Variants in PCM1 observed in about 807,000 individuals in gnomAD.
PCM1 encodes the protein pericentriolar material 1 protein.
In PCM1, 157 loss-of-function variants were observed where a neutral mutation model predicts 241.9. The ratio of observed to expected loss-of-function variants is 0.65; its 90% confidence interval spans 0.57 to 0.74. The LOEUF (loss-of-function observed/expected upper bound fraction) is 0.74. PCM1 is among the 30% of genes least tolerant of loss of function. The pLI is 0.00. For synonymous variants in PCM1, 1,085 were observed against 784.9 expected (o/e 1.38, Z -6.39); for missense variants, 3,478 against 2,360.1 (o/e 1.47, Z -9.81).
chr8:17,938,316 T>A (rs1052268400), intron 4 of PCM1, among the ~76,000 whole-genome samples: 29 of 152,206 alleles, frequency 1.9e-4, no homozygotes, highest in African/African-American at 6.8e-4. Context: ...ACCTTCAGAT[T>A]ATGTGTATAA....
At position 18,009,434 on chromosome 8, in the gene PCM1, C is replaced by G. The variant is rs1337756977; in HGVS notation, c.4963-113C>G. On this transcript the variant is annotated intron_variant, in intron 30 of 38. Transcript: ENST00000325083. ...TTCTTTAGTAATACTAACAACCTAT[C>G]TTTCCTTAGTAATCATAAACATTAG... The G allele has an allele frequency of 1.0e-5, 7 of 682,148 alleles. No individual in the cohort carries two copies. In the East Asian group the frequency reaches 1.9e-4, roughly 18 times the overall value. The allele number at this position is 682,148 out of a possible 1,614,324, so 42.3% of individuals were successfully genotyped here. A position where few individuals can be genotyped will look rare whatever the true frequency, so the allele number is the denominator to read the frequency against.
intron 38 of PCM1, among the ~76,000 whole-genome samples, chr8:18,026,350 C>G (rs1239130904): frequency 1.3e-5 from 2 of 148,326 alleles, no homozygotes; most frequent in Non-Finnish European, 3.0e-5. Context: ...CTCCGCCTCC[C>G]AGGTTCGCGC....
intron 34 of PCM1, among the ~76,000 whole-genome samples, chr8:18,012,582 C>G (rs774101226): frequency 3.9e-5 from 6 of 152,022 alleles, no homozygotes; most frequent in African/African-American, 4.8e-5. Flanking sequence ...TGGTCTAGAT[C>G]TTTTCTTCTG....
intron 23 of PCM1, 78 bp from the exon 24 acceptor site, chr8:17,980,513 G>A (rs1323992552): frequency 6.6e-6 from 8 of 1,212,466 alleles, no homozygotes; most frequent in Non-Finnish European, 8.1e-6. Flanking sequence ...TACCTGTACT[G>A]TTACACAATG....
intron 23 of PCM1, among the ~76,000 whole-genome samples, chr8:17,979,514 G>A (rs1267145702): frequency 6.6e-6 from 1 of 152,156 alleles, no homozygotes; most frequent in African/African-American, 2.4e-5. Context: ...TGAAAGTGGA[G>A]AGGAACGCTC....
In PCM1 at chr8:18,023,248, G is replaced by C. The variant is rs564811265; in HGVS notation, c.5842-2113G>C. Among the ~76,000 whole-genome samples the C allele has an allele frequency of 8.5e-5, 13 of 152,258 alleles. No individual in the cohort carries two copies. In the East Asian group the frequency reaches 2.5e-3, roughly 29 times the overall value. On this transcript the variant is annotated intron_variant, in intron 36 of 38. Transcript: ENST00000325083. ...AATGACCAGATATGACTCTTTAAAT[G>C]GTTGTGAAATTCTTAATCTGGGGTT...
chr8:17,998,134 C>T (rs895744119), intron 29 of PCM1, among the ~76,000 whole-genome samples: 14 of 152,104 alleles, frequency 9.2e-5, no homozygotes, highest in Non-Finnish European at 1.9e-4. Flanking sequence ...TCTGAAAGGT[C>T]ACATATCTCT....
At chr8:17,929,601 T>TA (rs1375329484) in intron 2 of PCM1, among the ~76,000 whole-genome samples, 1 of 152,208 alleles carries the variant, frequency 6.6e-6, no homozygotes, top group Non-Finnish European at 1.5e-5. Flanking sequence ...GTGTGTCACA[T>TA]ACCCAGTTTC....
Position 17,969,722 on chromosome 8 carries a change from T to C in PCM1, c.3558T>C (p.Ser1186=), listed in dbSNP as rs757172297. 1 of 1,602,890 alleles carries C rather than the reference T, an allele frequency of 6.2e-7. No individual in the cohort carries two copies. ...YMAFPKPFES[S]SSIGAEKPRN... ...CTTTTCCAAAACCTTTTGAAAGCAG[T>C]TCCTCTATTGGAGCAGAGAAACCAA... Residue 1186 remains serine, a synonymous_variant, in exon 22 of 39, where the codon AGT becomes AGC. Coordinates refer to ENST00000325083, the MANE Select transcript of PCM1 (RefSeq NM_006197.4).
intron 2 of PCM1, among the ~76,000 whole-genome samples, chr8:17,930,600 C>T (rs141933671): frequency 8.6e-5 from 13 of 151,446 alleles, no homozygotes; most frequent in Non-Finnish European, 1.9e-4. Flanking sequence ...TGAATGTGGC[C>T]GGGTGCGGTG....
rs542911765 is a variant in PCM1 at position 18,001,669 on chromosome 8, A to G, written c.4828-4594A>G. On this transcript the variant is annotated intron_variant, in intron 29 of 38. Transcript: ENST00000325083. ...CTAGATATGGTAAACTACAAAATAC[A>G]TTGTCACTGGGCTAGTTTCTTATAT... Among the ~76,000 whole-genome samples, 3 of 152,306 alleles carry G rather than the reference A, an allele frequency of 2.0e-5. No individual in the cohort carries two copies. The East Asian group carries it at 5.8e-4, about 29-fold the overall frequency.
At chr8:18,011,104 TAAAAC>T (rs2129485505) in intron 32 of PCM1, 128 bp from the exon 33 acceptor site, 1 of 560,860 alleles carries the variant, frequency 1.8e-6, no homozygotes, top group Non-Finnish European at 2.8e-6. Flanking sequence ...ATTTTAAAAA[TAAAAC>T]TAGACTATCA....
At chr8:17,932,169 C>T (rs1469704369) in intron 2 of PCM1, among the ~76,000 whole-genome samples, 1 of 151,998 alleles carries the variant, frequency 6.6e-6, no homozygotes, top group South Asian at 2.1e-4. Flanking sequence ...GTACAGTTTG[C>T]CTAATAGCAT....
chr8:17,924,158 G>T (rs919237146), intron 1 of PCM1, among the ~76,000 whole-genome samples: 1 of 152,016 alleles, frequency 6.6e-6, no homozygotes, highest in East Asian at 1.9e-4. Flanking sequence ...TCTGGTTACC[G>T]GAGTGGGTGT....
intron 16 of PCM1, 133 bp downstream of exon 16, chr8:17,962,307 C>T: frequency 2.0e-6 from 1 of 506,170 alleles, no homozygotes; most frequent in African/African-American, 2.0e-5. Context: ...CTGCTTTGTG[C>T]CTTTTTTAGT....
rs1403046564 is a variant in PCM1, at chr8:17,966,053, G to C, written c.2910G>C (p.Lys970Asn). Residue 970 changes from lysine (K) to asparagine (N), a missense_variant, in exon 19 of 39, where the codon AAG (lysine) becomes AAC (asparagine). Physicochemically the swap from Lys to Asn is moderately conservative, Grantham distance 94. Coordinates refer to ENST00000325083, the MANE Select transcript of PCM1 (RefSeq NM_006197.4). ...ATGAAAATTATCGTCCTTTAGCCAA[G>C]ACAAGGCAACAGAATATCAGCATGC... ...SADENYRPLA[K>N]TRQQNISMQR... 3 of 1,613,642 alleles carry C rather than the reference G, an allele frequency of 1.9e-6. No homozygotes were observed. The highest frequency in any genetic ancestry group is 2.5e-6 in the Non-Finnish European group (3 of 1,179,834).
chr8:17,930,190 G>T (rs148824921), intron 2 of PCM1, among the ~76,000 whole-genome samples: 84 of 144,454 alleles, frequency 5.8e-4, no homozygotes, highest in African/African-American at 2.0e-3. Context: ...TACAAGCTCC[G>T]CCTCCTGGGT....
At chr8:17,951,929 A>C (rs1356954021) in intron 8 of PCM1, among the ~76,000 whole-genome samples, 1 of 152,078 alleles carries the variant, frequency 6.6e-6, no homozygotes, top group African/African-American at 2.4e-5. Context: ...AATTAAAAAA[A>C]ATTTAAAAAA....
At chr8:17,933,618 T>G (rs1181212102) in intron 2 of PCM1, among the ~76,000 whole-genome samples, 3 of 152,216 alleles carry the variant, frequency 2.0e-5, no homozygotes, top group Admixed American at 1.3e-4. Flanking sequence ...TAGTGCTTCT[T>G]GACATAGAGC....
Sources: allele counts gnomAD v4.1 joint callset (sites outside exome capture counted in the v4.1 genomes callset), GRCh38; gene constraint gnomAD v4.1.1; transcripts MANE v1.5; gene names NCBI Gene and HGNC (gene_info 2026-07-23, HGNC 2026-07-21).